MEPE: variants seen among roughly 807,000 people sequenced by gnomAD.
MEPE encodes matrix extracellular phosphoglycoprotein, also known as matrix, extracellular phosphoglycoprotein with ASARM motif (bone).
A neutral mutation model predicts 7.3 loss-of-function variants in MEPE; 7 were observed. That is an observed-to-expected ratio of 0.95 (90% CI 0.54 to 1.79). The LOEUF (loss-of-function observed/expected upper bound fraction) is 1.79. Ranked by LOEUF, MEPE falls within the 40% of genes most tolerant of loss-of-function variation. MEPE has a pLI of 0.00. For missense variants in MEPE, 623 were observed against 628.2 expected (o/e 0.99, Z 0.09); for synonymous variants, 214 against 213.1 (o/e 1.00, Z -0.04).
intron 1 of MEPE, among the ~76,000 whole-genome samples, chr4:87,827,663 C>A (rs965474816): frequency 1.3e-5 from 2 of 152,122 alleles, no homozygotes; most frequent in African/African-American, 4.8e-5. Flanking sequence ...AAAGGGCTAG[C>A]ATCATTATAA....
chr4:87,824,685 A>G (rs896981948), intron 1 of MEPE, among the ~76,000 whole-genome samples: 1 of 152,156 alleles, frequency 6.6e-6, no homozygotes, highest in Non-Finnish European at 1.5e-5. Context: ...CACTTAAGAG[A>G]TAAATTGTAT....
At chr4:87,840,416 A>C (rs1474085432) in intron 3 of MEPE, among the ~76,000 whole-genome samples, 2 of 152,216 alleles carry the variant, frequency 1.3e-5, no homozygotes, top group South Asian at 4.1e-4. Context: ...TTTATTTCCC[A>C]TGGAAGTAAT....
chr4:87,846,381 C>G lies in MEPE; in HGVS notation c.1513C>G (p.Arg505Gly). The G allele has an allele frequency of 6.2e-7, 1 of 1,613,948 alleles. No individual in the cohort carries two copies. ...QPHSNRRFSS[R>G]RRDDSSESSD... Reference sequence around the variant, plus strand: ...CCATTCCAACAGGAGGTTTAGTTCCCGTAGAAGGGATGACAGTAGTGAGTC... The same window carrying G: ...CCATTCCAACAGGAGGTTTAGTTCCGGTAGAAGGGATGACAGTAGTGAGTC... Residue 505 changes from arginine (R) to glycine (G), a missense_variant, in exon 4 of 4, where the codon CGT (arginine) becomes GGT (glycine). Transcript: ENST00000361056.
intron 1 of MEPE, among the ~76,000 whole-genome samples, chr4:87,827,470 A>G (rs1414958472): frequency 6.6e-6 from 1 of 152,266 alleles, no homozygotes; most frequent in Non-Finnish European, 1.5e-5. Context: ...CATGTTCGAT[A>G]CAATGAATAG....
chr4:87,821,816 C>T lies in MEPE; in HGVS notation c.-13+345C>T, dbSNP rs534613656. ...CAGGGGCAACCAGATTTCATAGTCC[C>T]GTAAGGATGGCCCAAGAAGAGAAGT... On this transcript the variant is annotated intron_variant, in intron 1 of 3. Transcript: ENST00000424957. Among the ~76,000 whole-genome samples, 77 of 152,196 alleles carry T rather than the reference C, an allele frequency of 5.1e-4. No homozygotes were observed. The South Asian group carries it at 0.015, about 30-fold the overall frequency.
chr4:87,836,911 T>C (rs557617744), intron 2 of MEPE, among the ~76,000 whole-genome samples: 1 of 152,332 alleles, frequency 6.6e-6, no homozygotes, highest in East Asian at 1.9e-4. Context: ...TTACAAACTA[T>C]AAAGAGTCCT....
rs774710137 is a variant in MEPE at position 87,845,300 on chromosome 4, A to C, written c.432A>C (p.Ala144=). 14 of 1,614,048 alleles carry C rather than the reference A, an allele frequency of 8.7e-6. 1 individual carries two copies. In the Middle Eastern group the frequency reaches 8.2e-4, roughly 95 times the overall value. ...TACATGACCAAGAAGAATATGGCGC[A>C]GCTCTCATCAGAAATAACATGCAAC... is the stretch of plus-strand genomic sequence containing the variant. ...SKLHDQEEYG[A]ALIRNNMQHI... Residue 144 remains alanine, a synonymous_variant, in exon 4 of 4, where the codon GCA becomes GCC. Transcript: ENST00000361056.
intron 1 of MEPE, among the ~76,000 whole-genome samples, chr4:87,834,149 G>A (rs1431989982): frequency 6.6e-6 from 1 of 152,174 alleles, no homozygotes; most frequent in Non-Finnish European, 1.5e-5. Flanking sequence ...TTCAATAAAT[G>A]TTAGCCATTA....
chr4:87,823,165 G>A (rs1480205283), intron 1 of MEPE, among the ~76,000 whole-genome samples: 1 of 152,192 alleles, frequency 6.6e-6, no homozygotes, highest in East Asian at 1.9e-4. Context: ...AGACATGCAG[G>A]ACCTCGCCAG....
At chr4:87,840,186 T>C in intron 3 of MEPE, 1 of 1,002,698 alleles carries the variant, frequency 1.0e-6, no homozygotes, top group Non-Finnish European at 1.4e-6. Flanking sequence ...GAAAAACCAT[T>C]TTGGCCTAAT....
intron 2 of MEPE, among the ~76,000 whole-genome samples, chr4:87,836,150 C>T (rs1722782269): frequency 1.3e-5 from 2 of 151,998 alleles, no homozygotes; most frequent in Admixed American, 1.3e-4. Flanking sequence ...TATATAGATG[C>T]CATTTTAGTA....
intron 1 of MEPE, among the ~76,000 whole-genome samples, chr4:87,827,261 A>T (rs551884778): frequency 1.3e-5 from 2 of 152,348 alleles, no homozygotes; most frequent in African/African-American, 2.4e-5. Flanking sequence ...TCAAACTACG[A>T]AAAGTTTTAA....
chr4:87,823,974 G>A (rs544445346), intron 1 of MEPE, among the ~76,000 whole-genome samples: 1 of 152,242 alleles, frequency 6.6e-6, no homozygotes, highest in South Asian at 2.1e-4. Flanking sequence ...AAGAATAAAG[G>A]TTCTCATGCA....
Sources: gnomAD v4.1 joint callset for allele counts (sites outside exome capture counted in the v4.1 genomes callset) on GRCh38, gnomAD v4.1.1 for gene constraint, MANE v1.5 for transcripts, NCBI Gene and HGNC (gene_info 2026-07-23, HGNC 2026-07-21) for gene names.